Variants in THSD7B observed in about 807,000 individuals in gnomAD.
The protein encoded by THSD7B is thrombospondin type 1 domain containing 7B, also known as thrombospondin type-1 domain-containing protein 7B.
In THSD7B, 138 loss-of-function variants were observed where a neutral mutation model predicts 213.6. The ratio of observed to expected loss-of-function variants is 0.65; its 90% CI spans 0.56 to 0.74. THSD7B has a LOEUF of 0.74. Among genes scored for constraint, THSD7B ranks in the 30% least tolerant of loss-of-function variants. THSD7B has a pLI of 0.00. For missense variants in THSD7B, 1,931 were observed against 1,991.5 expected (o/e 0.97, Z 0.58); for synonymous variants, 742 against 687.0 (o/e 1.08, Z -1.25).
chr2:137,153,507 G>C (rs1432999260), intron 5 of THSD7B, among the ~76,000 whole-genome samples: 1 of 152,186 alleles, frequency 6.6e-6, no homozygotes, highest in African/African-American at 2.4e-5. Context: ...GCTTTATTAG[G>C]TATAATAGGA....
At chr2:137,343,662 G>A (rs1383712985) in intron 12 of THSD7B, among the ~76,000 whole-genome samples, 2 of 151,660 alleles carry the variant, frequency 1.3e-5, no homozygotes, top group African/African-American at 2.4e-5. Context: ...CCTACTTCTT[G>A]TTTTAAAATT....
intron 2 of THSD7B, among the ~76,000 whole-genome samples, chr2:136,951,241 C>T (rs980768841): frequency 6.6e-6 from 1 of 152,138 alleles, no homozygotes; most frequent in Non-Finnish European, 1.5e-5. Context: ...CAATTTAAGG[C>T]TGAGACACAT....
chr2:137,047,973 C>T (rs1169790316), intron 2 of THSD7B, among the ~76,000 whole-genome samples: 1 of 152,132 alleles, frequency 6.6e-6, no homozygotes, highest in African/African-American at 2.4e-5. Flanking sequence ...GTTTGTTACA[C>T]AGGTATACAC....
intron 15 of THSD7B, among the ~76,000 whole-genome samples, chr2:137,557,521 A>G (rs945925323): frequency 6.6e-6 from 1 of 152,210 alleles, no homozygotes; most frequent in Admixed American, 6.5e-5. Flanking sequence ...ACCAACGAGA[A>G]CAAAGACACA....
At chr2:137,615,019 A>G (rs1259327723) in intron 17 of THSD7B, among the ~76,000 whole-genome samples, 1 of 152,170 alleles carries the variant, frequency 6.6e-6, no homozygotes, top group African/African-American at 2.4e-5. Context: ...TTAAGAATCT[A>G]TGGGCCTCGT....
intron 14 of THSD7B, among the ~76,000 whole-genome samples, chr2:137,441,138 T>C (rs1687401008): frequency 6.6e-6 from 1 of 152,166 alleles, no homozygotes; most frequent in Non-Finnish European, 1.5e-5. Context: ...ACAACATGCA[T>C]ATCATTTTTA....
intron 12 of THSD7B, among the ~76,000 whole-genome samples, chr2:137,391,165 G>T (rs1686017164): frequency 6.6e-6 from 1 of 152,048 alleles, no homozygotes; most frequent in African/African-American, 2.4e-5. Context: ...CAGGATTTCT[G>T]TTTGTTCTTG....
chr2:137,567,205 A>G (rs1462311195), intron 16 of THSD7B, among the ~76,000 whole-genome samples: 1 of 149,898 alleles, frequency 6.7e-6, no homozygotes, highest in African/African-American at 2.5e-5. Flanking sequence ...GTCTTGATCT[A>G]TCACCCAGGT....
rs1558834318 is a variant in THSD7B, at chr2:137,546,415, T to TATATAA, written c.3139-16806_3139-16805insATATAA. Among the ~76,000 whole-genome samples, 19 of 25,524 alleles carry TATATAA rather than the reference T, an allele frequency of 7.4e-4. 2 individuals are homozygous for TATATAA. The highest frequency in any genetic ancestry group is 4.5e-3 in the African/African-American group (18 of 4,034). The allele number at this position is 25,524 out of a possible 152,430, so 16.7% of individuals were successfully genotyped here. ...ATATATTATATATATTATATATATATTATATATATTATATATATATTATAT... is the reference window on the plus strand; with the variant it reads ...ATATATTATATATATTATATATATATATATAATATATATATTATATATATATTATAT... On this transcript the variant is annotated intron_variant, in intron 15 of 27. Transcript: ENST00000409968.
At chr2:137,674,589 C>CT (rs1412985140) in intron 27 of THSD7B, among the ~76,000 whole-genome samples, 1 of 152,116 alleles carries the variant, frequency 6.6e-6, no homozygotes, top group Non-Finnish European at 1.5e-5. Context: ...CTGGAACATA[C>CT]TTAGTATAGA....
At position 137,663,720 on chromosome 2, in the gene THSD7B, A is replaced by T. The variant is rs142693911; in HGVS notation, c.4651+145A>T. 8.5e-4 allele frequency: 610 copies of T among 718,426 alleles called. 2 individuals are homozygous for T. The African/African-American group carries it at 9.6e-3, about 11-fold the overall frequency. The allele number at this position is 718,426 out of a possible 1,614,324, so 44.5% of individuals were successfully genotyped here. Reference sequence around the variant, plus strand: ...TAAGGCATAATTCAGGGTTTCTCAGATTTGAATATTACATGATATATGAGT... The same window carrying T: ...TAAGGCATAATTCAGGGTTTCTCAGTTTTGAATATTACATGATATATGAGT... On this transcript the variant is annotated intron_variant, in intron 26 of 27. Transcript: ENST00000409968.
intron 3 of THSD7B, among the ~76,000 whole-genome samples, chr2:137,067,782 A>G (rs967258754): frequency 2.6e-5 from 4 of 151,980 alleles, no homozygotes; most frequent in Non-Finnish European, 4.4e-5. Context: ...TGAGGGCAGA[A>G]CCAAGAAAAA....
chr2:137,167,509 C>T (rs1374816379), intron 6 of THSD7B, among the ~76,000 whole-genome samples: 1 of 152,072 alleles, frequency 6.6e-6, no homozygotes, highest in Non-Finnish European at 1.5e-5. Context: ...CACTTCTGAT[C>T]CACTAACTCA....
intron 12 of THSD7B, among the ~76,000 whole-genome samples, chr2:137,309,185 A>T (rs1249102935): frequency 1.3e-5 from 2 of 152,118 alleles, no homozygotes; most frequent in Non-Finnish European, 2.9e-5. Context: ...AATAGTTGTC[A>T]ATCAAAATGG....
chr2:137,597,090 A>C (rs1681975495), intron 17 of THSD7B, among the ~76,000 whole-genome samples: 1 of 152,076 alleles, frequency 6.6e-6, no homozygotes, highest in Non-Finnish European at 1.5e-5. Context: ...TATGAGATAA[A>C]TTTTGAAATT....
At chr2:137,378,055 AT>A (rs1405290707) in intron 12 of THSD7B, among the ~76,000 whole-genome samples, 2 of 152,148 alleles carry the variant, frequency 1.3e-5, no homozygotes, top group Non-Finnish European at 2.9e-5. Flanking sequence ...CCATTGAATT[AT>A]TTTTAATGGA....
chr2:136,932,438 CAAA>C (rs1684646664), intron 2 of THSD7B, among the ~76,000 whole-genome samples: 1 of 152,256 alleles, frequency 6.6e-6, no homozygotes, highest in Admixed American at 6.5e-5. Flanking sequence ...CCTGCGAAGT[CAAA>C]AATCTGCTTA....
At chr2:137,645,244 T>C (rs1016570763) in intron 21 of THSD7B, among the ~76,000 whole-genome samples, 17 of 152,226 alleles carry the variant, frequency 1.1e-4, no homozygotes, top group African/African-American at 4.1e-4. Flanking sequence ...TTATAGTTAG[T>C]ATTATAATTT....
intron 17 of THSD7B, among the ~76,000 whole-genome samples, chr2:137,586,474 C>T (rs186122039): frequency 2.0e-5 from 3 of 152,216 alleles, no homozygotes; most frequent in Admixed American, 6.5e-5. Flanking sequence ...TGGGTGGTAC[C>T]GGTTGTTCCT....
Sources: gnomAD v4.1 joint callset for allele counts (sites outside exome capture counted in the v4.1 genomes callset) on GRCh38, gnomAD v4.1.1 for gene constraint, MANE v1.5 for transcripts, NCBI Gene and HGNC (gene_info 2026-07-23, HGNC 2026-07-21) for gene names.